Variants in RNF34 observed in about 807,000 individuals in gnomAD.
The protein encoded by RNF34 is ring finger protein 34.
A neutral mutation model predicts 37.9 loss-of-function variants in RNF34; 12 were observed. The observed-to-expected ratio is 0.32, with a 90% CI of 0.20 to 0.51. RNF34 has a LOEUF of 0.51. Ranked by LOEUF, RNF34 falls within the 20% of genes least tolerant of loss-of-function variation. The pLI is 0.97. For missense variants in RNF34, 362 were observed against 472.7 expected, an observed-to-expected ratio of 0.77 and a Z score of 2.17; for synonymous variants, 155 against 177.2, an observed-to-expected ratio of 0.87 and a Z score of 1.00.
chr12:121,418,167 C>G, intron 3 of RNF34: 1 of 474,314 alleles, frequency 2.1e-6, no homozygotes. Flanking sequence ...GTTAATTTCT[C>G]TGTCTTACAC....
rs1555282568 is a variant in RNF34, at chr12:121,417,915, C to G, written c.633+4C>G. 1 of 1,611,722 alleles carries G rather than the reference C, an allele frequency of 6.2e-7. No individual in the cohort carries two copies. The highest frequency in any genetic ancestry group is 8.5e-7 in the Non-Finnish European group (1 of 1,179,024). On this transcript the variant is annotated splice_donor_region_variant and intron_variant, in intron 3 of 5. Transcript: ENST00000361234. This position sits in a 1 kb window ranked among gnomAD's most constrained non-coding sequence, Gnocchi z 5.0. ...CAGATCTGGAGTGCCGGCACAGGTA[C>G]GAGGGGGTAACTAATTACACCCAGG...
At chr12:121,403,491 TTAAC>T (rs1443032962) in intron 1 of RNF34, among the ~76,000 whole-genome samples, 1 of 152,224 alleles carries the variant, frequency 6.6e-6, no homozygotes, top group African/African-American at 2.4e-5. Flanking sequence ...GTAGGAAAGT[TTAAC>T]CTAACCAAGA....
At chr12:121,401,354 C>CAAAAAAAAAAAAAAAA (rs563285897) in intron 1 of RNF34, among the ~76,000 whole-genome samples, 2 of 76,784 alleles carry the variant, frequency 2.6e-5, no homozygotes, top group African/African-American at 4.4e-5. Flanking sequence ...CTATAGGTAT[C>CAAAAAAAAAAAAAAAA]AAAAAAAAAA....
chr12:121,417,567 C>T lies in RNF34; in HGVS notation c.289C>T (p.Arg97Cys), dbSNP rs782160334. 8.1e-6 allele frequency: 13 copies of T among 1,614,012 alleles called. No individual in the cohort carries two copies. The highest frequency in any genetic ancestry group is 5.3e-5 in the African/African-American group (4 of 74,918). ...TTGTTCAGTCTTACAAGAAAATCTC[C>T]GTAGATGTTCTACTTGTCACTTATT... ...SVCSVLQENL[R>C]RCSTCHLLQE... The change falls in exon 3 of 6, where the codon CGT (arginine) becomes TGT (cysteine). Residue 97 changes from arginine to cysteine, a missense_variant. Transcript: ENST00000361234. This position sits in a 1 kb window ranked among gnomAD's most constrained non-coding sequence, Gnocchi z 5.0.
chr12:121,404,616 C>T (rs1354860236), intron 1 of RNF34, among the ~76,000 whole-genome samples: 1 of 151,902 alleles, frequency 6.6e-6, no homozygotes, highest in South Asian at 2.1e-4. Flanking sequence ...GTCTTGAACT[C>T]CTGACCTCAA....
chr12:121,401,354 CAAA>C (rs563285897), intron 1 of RNF34, among the ~76,000 whole-genome samples: 86 of 76,780 alleles, frequency 1.1e-3, no homozygotes, highest in Middle Eastern at 8.1e-3. Context: ...CTATAGGTAT[CAAA>C]AAAAAAAAAA....
intron 1 of RNF34, among the ~76,000 whole-genome samples, chr12:121,410,403 G>C (rs184548290): frequency 4.1e-4 from 62 of 152,098 alleles, no homozygotes; most frequent in African/African-American, 1.4e-3. Flanking sequence ...CGGGTGTGGT[G>C]GTGGGTGCCT....
chr12:121,411,580 T>A (rs1871065448), intron 1 of RNF34, among the ~76,000 whole-genome samples: 1 of 152,226 alleles, frequency 6.6e-6, no homozygotes, highest in Non-Finnish European at 1.5e-5. Flanking sequence ...AAAAGGGGTG[T>A]CATTTGAGAT....
At chr12:121,411,515 C>A (rs1188356176) in intron 1 of RNF34, among the ~76,000 whole-genome samples, 1 of 152,154 alleles carries the variant, frequency 6.6e-6, no homozygotes, top group Non-Finnish European at 1.5e-5. Context: ...TTCCCTAATT[C>A]ATTGTAAAAC....
At chr12:121,414,934 A>G (rs958511498) in intron 1 of RNF34, among the ~76,000 whole-genome samples, 1 of 152,204 alleles carries the variant, frequency 6.6e-6, no homozygotes. Flanking sequence ...GTGTCTACCA[A>G]AACTACAAAA....
intron 1 of RNF34, among the ~76,000 whole-genome samples, chr12:121,413,333 T>G (rs1871268976): frequency 6.6e-6 from 1 of 152,000 alleles, no homozygotes; most frequent in African/African-American, 2.4e-5. Context: ...GGCCAGATTT[T>G]CATGCTTTTA....
Position 121,417,737 on chromosome 12 carries a change from A to G in RNF34, c.459A>G (p.Leu153=), listed in dbSNP as rs1555282440. The change falls in exon 3 of 6, where the codon CTA becomes CTG. Residue 153 remains leucine (L), a synonymous_variant. Coordinates refer to ENST00000361234, the MANE Select transcript of RNF34 (RefSeq NM_025126.4). This position sits in a 1 kb window ranked among gnomAD's most constrained non-coding sequence, Gnocchi z 5.0. The stretch of plus-strand genomic sequence containing the variant: ...ATCTAGTACTGTGCCATCATGGACT[A>G]GGCTCTGAGGACGACATGGACACAA... ...LVDLVLCHHG[L]GSEDDMDTSS... 1.2e-6 allele frequency: 2 copies of G among 1,614,216 alleles called. No homozygotes were observed. The highest frequency in any genetic ancestry group is 1.7e-6 in the Non-Finnish European group (2 of 1,180,046).
intron 1 of RNF34, among the ~76,000 whole-genome samples, chr12:121,407,897 T>G (rs1236391484): frequency 6.6e-6 from 1 of 151,984 alleles, no homozygotes; most frequent in Admixed American, 6.6e-5. Context: ...TTGGCATATG[T>G]TCCCCCCATC....
At chr12:121,413,102 T>C (rs1236062880) in intron 1 of RNF34, among the ~76,000 whole-genome samples, 1 of 151,004 alleles carries the variant, frequency 6.6e-6, no homozygotes, top group East Asian at 1.9e-4. Flanking sequence ...CTAGGCTCAC[T>C]GCAACCTCCG....
intron 1 of RNF34, among the ~76,000 whole-genome samples, chr12:121,411,479 T>C (rs944876158): frequency 2.2e-4 from 34 of 152,320 alleles, no homozygotes; most frequent in African/African-American, 7.9e-4. Context: ...CTCATACTCA[T>C]TAACATGGTT....
At position 121,416,078 on chromosome 12, in the gene RNF34, T is replaced by C. The variant is rs1871547048; in HGVS notation, c.7-81T>C. 3.2e-5 allele frequency: 37 copies of C among 1,166,436 alleles called. No individual in the cohort carries two copies. The East Asian group carries it at 8.5e-4, about 27-fold the overall frequency. The allele number at this position is 1,166,436 out of a possible 1,614,324, so 72.3% of individuals were successfully genotyped here. Reference sequence around the variant, plus strand: ...AAGTTATTGAGGGCAAACTTACCTCTCCAGAATAGCATTCCCTGAGGATCC... The same window carrying C: ...AAGTTATTGAGGGCAAACTTACCTCCCCAGAATAGCATTCCCTGAGGATCC... On this transcript the variant is annotated intron_variant, in intron 1 of 5. Coordinates refer to ENST00000361234, the MANE Select transcript of RNF34 (RefSeq NM_025126.4).
intron 1 of RNF34, 44 bp downstream of exon 1, chr12:121,400,262 A>T (rs781810169): frequency 3.9e-5 from 63 of 1,601,210 alleles, no homozygotes; most frequent in Admixed American, 6.8e-5. Context: ...CGCCAATCCT[A>T]TCCTGCCAGG....
chr12:121,416,038 A>AAT (rs2137062473), intron 1 of RNF34, 121 bp from the exon 2 acceptor site: 1 of 720,944 alleles, frequency 1.4e-6, no homozygotes, highest in South Asian at 1.8e-5. Context: ...TGCCCAGAGG[A>AAT]ATATAGTAAT....
At chr12:121,421,387 A>C (rs1217520347) in intron 5 of RNF34, among the ~76,000 whole-genome samples, 3 of 150,174 alleles carry the variant, frequency 2.0e-5, no homozygotes, top group African/African-American at 7.3e-5. Context: ...AAAAAAAAAA[A>C]AAAAAAAAAA....
Sources: gnomAD v4.1 joint callset for allele counts (sites outside exome capture counted in the v4.1 genomes callset) on GRCh38, gnomAD v4.1.1 for gene constraint, Gnocchi (gnomAD v3.1) non-coding constraint, MANE v1.5 for transcripts, NCBI Gene and HGNC (gene_info 2026-07-23, HGNC 2026-07-21) for gene names.